KCNG2: variants seen among roughly 807,000 people sequenced by gnomAD.
KCNG2 encodes voltage-gated potassium channel regulatory subunit KCNG2.
Under a neutral mutation model 12.3 loss-of-function variants are expected in KCNG2, and 7 were observed. The observed-to-expected ratio is 0.57, with a 90% confidence interval of 0.32 to 1.07. KCNG2 has a LOEUF of 1.07. Among genes scored for constraint, KCNG2 ranks in the 50% least tolerant of loss-of-function variants. The pLI, the probability that KCNG2 is intolerant of heterozygous loss-of-function variation, is 0.04. For missense variants in KCNG2, 703 were observed against 726.0 expected, an observed-to-expected ratio of 0.97 and a Z score of 0.36; for synonymous variants, 414 against 351.4, an observed-to-expected ratio of 1.18 and a Z score of -1.99.
chr18:79,875,090 A>G (rs1444559562), intron 3 of KCNG2, among the ~76,000 whole-genome samples: 1 of 152,136 alleles, frequency 6.6e-6, no homozygotes, highest in Non-Finnish European at 1.5e-5. Flanking sequence ...AGAAACTAGA[A>G]TCTCTTCGCC....
chr18:79,834,460 C>G (rs562431147), intron 1 of KCNG2, among the ~76,000 whole-genome samples: 3 of 152,204 alleles, frequency 2.0e-5, no homozygotes, highest in African/African-American at 7.2e-5. Flanking sequence ...TGATCAGACC[C>G]AACACCAGGT....
intron 3 of KCNG2, 113 bp from the exon 4 acceptor site, chr18:79,898,926 TG>T: frequency 2.7e-6 from 2 of 739,480 alleles, no homozygotes; most frequent in East Asian, 3.0e-5. Flanking sequence ...TTCCGTGGGT[TG>T]GGGCGGGAAG....
intron 3 of KCNG2, among the ~76,000 whole-genome samples, chr18:79,866,557 G>A (rs112461120): frequency 7.7e-5 from 11 of 143,304 alleles, no homozygotes; most frequent in African/African-American, 2.3e-4. Context: ...TTTTGTGAGA[G>A]GTCTGGATGC....
chr18:79,900,066 G>A lies in KCNG2; in HGVS notation c.*250G>A, dbSNP rs1046008746. 3.6e-5 allele frequency: 13 copies of A among 359,352 alleles called. No individual in the cohort carries two copies. The highest frequency in any genetic ancestry group is 6.4e-5 in the Non-Finnish European group (13 of 201,718). 22.3% of individuals were successfully genotyped at this position (359,352 alleles called of 1,614,324 possible). ...TTTCCTTGGATTTTTAATTTTCTACGCCTAGCTAAAAATAAATTTAGTAAG... is the reference window on the plus strand; with the variant it reads ...TTTCCTTGGATTTTTAATTTTCTACACCTAGCTAAAAATAAATTTAGTAAG... On this transcript the variant is annotated 3_prime_UTR_variant, in exon 4 of 4. Transcript: ENST00000316249.
chr18:79,864,291 G>C lies in KCNG2; in HGVS notation c.624G>C (p.Arg208=). The C allele has an allele frequency of 6.5e-7, 1 of 1,531,478 alleles. No homozygotes were observed. The highest frequency in any genetic ancestry group is 8.7e-7 in the Non-Finnish European group (1 of 1,145,622). 94.9% of individuals were successfully genotyped at this position (1,531,478 alleles called of 1,614,324 possible). Residue 208 remains arginine (R), a splice_region_variant and synonymous_variant, in exon 3 of 4, where the codon CGG becomes CGC. Transcript: ENST00000316249. The part of the protein sequence containing the change: ...TMPDIRAEEE[R]GECSPKCRSL... Reference sequence around the variant, plus strand: ...CGGACATCCGCGCCGAGGAGGAGCGGGTGAGCGCGGCCGGGGGTGGCGGGG... The same window carrying C: ...CGGACATCCGCGCCGAGGAGGAGCGCGTGAGCGCGGCCGGGGGTGGCGGGG...
chr18:79,856,137 T>C (rs554940816), intron 1 of KCNG2, among the ~76,000 whole-genome samples: 10 of 152,336 alleles, frequency 6.6e-5, no homozygotes, highest in African/African-American at 2.4e-4. Flanking sequence ...AAGAAAGCCT[T>C]TTACAGCAAA....
chr18:79,837,409 G>A (rs1467508656), intron 1 of KCNG2, among the ~76,000 whole-genome samples: 2 of 152,194 alleles, frequency 1.3e-5, no homozygotes, highest in Non-Finnish European at 2.9e-5. Flanking sequence ...CTACCATTCT[G>A]GGGTCTGGAG....
intron 2 of KCNG2, among the ~76,000 whole-genome samples, chr18:79,857,106 A>G (rs1208350047): frequency 2.7e-4 from 1 of 3,646 alleles, no homozygotes; most frequent in East Asian, 8.9e-3. Flanking sequence ...TATTGGATGA[A>G]TCGGACTTGT....
chr18:79,798,163 G>T (rs1451608412), intron 1 of KCNG2, among the ~76,000 whole-genome samples, 149 bp downstream of exon 1: 1 of 151,658 alleles, frequency 6.6e-6, no homozygotes, highest in South Asian at 2.1e-4. Context: ...GCGCGGGCGC[G>T]GGAGGGTCGA....
intron 3 of KCNG2, among the ~76,000 whole-genome samples, chr18:79,871,173 C>T (rs1159136720): frequency 6.6e-6 from 1 of 152,240 alleles, no homozygotes; most frequent in Non-Finnish European, 1.5e-5. Flanking sequence ...CCGGGGTCCG[C>T]CGTGAGGGTG....
rs768917872 is a variant in KCNG2, at chr18:79,863,794, C to T, written c.127C>T (p.Leu43=). The T allele has an allele frequency of 1.9e-4, 243 of 1,304,814 alleles. No individual in the cohort carries two copies. Among genetic ancestry groups the T allele is most frequent in the Non-Finnish European group, 2.2e-4 (227 of 1,021,478 alleles). The allele number at this position is 1,304,814 out of a possible 1,614,324, so 80.8% of individuals were successfully genotyped here. A position where few individuals can be genotyped will look rare whatever the true frequency, so the allele number is the denominator to read the frequency against. ...AALARCPLAR[L]ERLRACRGHD... ...GCTGGCGCGATGCCCCCTCGCGCGC[C>T]TGGAGCGCCTGCGCGCCTGCCGCGG... is the stretch of plus-strand genomic sequence containing the variant. The change falls in exon 3 of 4, where the codon CTG becomes TTG. Residue 43 remains leucine, a synonymous_variant. Coordinates refer to ENST00000316249, the MANE Select transcript of KCNG2 (RefSeq NM_012283.2).
chr18:79,814,743 CTAT>C (rs2087516431), intron 1 of KCNG2, among the ~76,000 whole-genome samples: 1 of 152,124 alleles, frequency 6.6e-6, no homozygotes, highest in Non-Finnish European at 1.5e-5. Flanking sequence ...GCATGTTAAT[CTAT>C]TATTAATCTC....
intron 3 of KCNG2, among the ~76,000 whole-genome samples, chr18:79,888,716 A>G (rs912115579): frequency 1.3e-5 from 2 of 150,752 alleles, no homozygotes; most frequent in African/African-American, 2.4e-5. Context: ...TTTTTTAGAG[A>G]GTCTCACTCT....
rs1401185641 is a variant in KCNG2, at chr18:79,800,314, TGG to T, written c.-115+2303_-115+2304del. Among the ~76,000 whole-genome samples, 3 of 151,594 alleles carry T rather than the reference TGG, an allele frequency of 2.0e-5. No homozygotes were observed. Among genetic ancestry groups the T allele is most frequent in the Non-Finnish European group, 2.9e-5 (2 of 67,924 alleles). On this transcript the variant is annotated intron_variant, in intron 1 of 3. Transcript: ENST00000316249. The surrounding 1 kb of genome is among the most constrained non-coding windows in gnomAD (Gnocchi z 4.0). The stretch of plus-strand genomic sequence containing the variant: ...CACGGATGGGTAATTTTGTAATGAA[TGG>T]GGATATCTTAGGGCTAACGCTTGGT...
At chr18:79,851,764 T>A (rs1030088878) in intron 1 of KCNG2, among the ~76,000 whole-genome samples, 2 of 23,760 alleles carry the variant, frequency 8.4e-5, no homozygotes, top group African/African-American at 9.2e-5. Context: ...TGTGTGTGTG[T>A]GACTGTGAAT....
intron 3 of KCNG2, among the ~76,000 whole-genome samples, chr18:79,866,695 GGTCTGGGTGCTGAGAA>G (rs1568262852): frequency 9.8e-4 from 89 of 90,538 alleles, no homozygotes; most frequent in East Asian, 1.6e-3. Flanking sequence ...GGTGCTGAGA[GGTCTGGGTGCTGAGAA>G]GTCTGTGTGC....
intron 1 of KCNG2, among the ~76,000 whole-genome samples, chr18:79,834,412 G>A (rs903647198): frequency 1.8e-4 from 27 of 152,070 alleles, no homozygotes; most frequent in African/African-American, 3.6e-4. Context: ...CATCATTTCC[G>A]GTACAAGGCC....
intron 2 of KCNG2, among the ~76,000 whole-genome samples, chr18:79,861,144 T>G (rs1325447535): frequency 6.6e-6 from 1 of 152,224 alleles, no homozygotes; most frequent in Non-Finnish European, 1.5e-5. Flanking sequence ...GCCACCCGTG[T>G]ATTCCTGTGA....
At chr18:79,895,152 T>A (rs375530397) in intron 3 of KCNG2, among the ~76,000 whole-genome samples, 1 of 152,144 alleles carries the variant, frequency 6.6e-6, no homozygotes, top group South Asian at 2.1e-4. Context: ...ATTGATATAG[T>A]TGGGTCTGTG....
Sources: allele counts gnomAD v4.1 joint callset (sites outside exome capture counted in the v4.1 genomes callset), GRCh38; gene constraint gnomAD v4.1.1; non-coding constraint Gnocchi (gnomAD v3.1); transcripts MANE v1.5; gene names NCBI Gene and HGNC (gene_info 2026-07-23, HGNC 2026-07-21).